The following CDC14A variants were observed in gnomAD, a reference collection of about 807,000 sequenced individuals.
CDC14A encodes dual specificity protein phosphatase CDC14A.
A neutral mutation model predicts 74.4 loss-of-function variants in CDC14A; 53 were observed. That is an observed-to-expected ratio of 0.71 (90% confidence interval 0.57 to 0.89). The LOEUF is 0.89. Among genes scored for constraint, CDC14A ranks in the 40% least tolerant of loss-of-function variants. CDC14A has a pLI of 0.00. For missense variants in CDC14A, 646 were observed against 713.7 expected (o/e 0.91, Z 1.08); for synonymous variants, 247 against 258.4 (o/e 0.96, Z 0.43).
At chr1:100,495,922 A>T in intron 12 of CDC14A, 80 bp from the exon 13 acceptor site, 2 of 1,142,592 alleles carry the variant, frequency 1.8e-6, no homozygotes, top group Admixed American at 1.7e-5. Flanking sequence ...TACTGGTTTG[A>T]TACCATTTGA....
At chr1:100,501,188 A>C (rs1488040370) in intron 15 of CDC14A, among the ~76,000 whole-genome samples, 1 of 152,260 alleles carries the variant, frequency 6.6e-6, no homozygotes, top group Non-Finnish European at 1.5e-5. Flanking sequence ...TAATATATTT[A>C]CATTTTCCTA....
At chr1:100,503,551 T>C (rs891032184) in intron 15 of CDC14A, among the ~76,000 whole-genome samples, 2 of 152,264 alleles carry the variant, frequency 1.3e-5, no homozygotes, top group Admixed American at 1.3e-4. Flanking sequence ...TGTCATTAAA[T>C]CGTTTAACAC....
intron 11 of CDC14A, among the ~76,000 whole-genome samples, chr1:100,487,084 T>C (rs1341957297): frequency 4.6e-5 from 7 of 152,360 alleles, no homozygotes; most frequent in African/African-American, 1.7e-4. Context: ...ATGGAATTTC[T>C]GGATTTACTT....
chr1:100,488,862 G>A (rs1385729078), intron 11 of CDC14A, among the ~76,000 whole-genome samples: 1 of 152,138 alleles, frequency 6.6e-6, no homozygotes, highest in Non-Finnish European at 1.5e-5. Flanking sequence ...CCCCCATTAT[G>A]ACAGTGAAGA....
chr1:100,348,211 G>A (rs1347076331), upstream of CDC14A, among the ~76,000 whole-genome samples: 1 of 151,120 alleles, frequency 6.6e-6, no homozygotes, highest in Non-Finnish European at 1.5e-5. Context: ...GAACCCGGGA[G>A]GCAGAGGTTG....
At chr1:100,489,579 CAT>C (rs922023548) in intron 11 of CDC14A, among the ~76,000 whole-genome samples, 80 of 49,144 alleles carry the variant, frequency 1.6e-3, no homozygotes, top group African/African-American at 3.6e-3. Flanking sequence ...GGTCATCACT[CAT>C]GTTTTTTTTT....
At chr1:100,448,960 A>G (rs1665842126) in intron 7 of CDC14A, among the ~76,000 whole-genome samples, 2 of 152,138 alleles carry the variant, frequency 1.3e-5, no homozygotes, top group South Asian at 2.1e-4. Context: ...AAGTTGCCAT[A>G]TTTGAGTCTT....
intron 2 of CDC14A, among the ~76,000 whole-genome samples, chr1:100,362,541 T>A (rs1464819082): frequency 6.6e-6 from 1 of 152,232 alleles, no homozygotes; most frequent in East Asian, 1.9e-4. Flanking sequence ...AACATTTTTC[T>A]CTCTTTGGTC....
chr1:100,378,493 A>G (rs768071121), intron 3 of CDC14A, among the ~76,000 whole-genome samples: 3 of 152,190 alleles, frequency 2.0e-5, no homozygotes, highest in Non-Finnish European at 4.4e-5. Context: ...TGCCTTGGAC[A>G]TATTAACTGT....
chr1:100,418,317 A>C (rs1282707447), intron 4 of CDC14A, among the ~76,000 whole-genome samples: 2 of 152,216 alleles, frequency 1.3e-5, no homozygotes, highest in East Asian at 3.8e-4. Context: ...CATGGGACAT[A>C]GTATTTGAGT....
intron 2 of CDC14A, among the ~76,000 whole-genome samples, chr1:100,370,264 A>G (rs144155006): frequency 0.015 from 2,317 of 151,206 alleles, 62 homozygotes; most frequent in African/African-American, 0.053. Flanking sequence ...GATTATAGGC[A>G]TGAGCCACTG....
At chr1:100,352,183 C>T (rs967676735), upstream of CDC14A, among the ~76,000 whole-genome samples, 2 of 152,188 alleles carry the variant, frequency 1.3e-5, no homozygotes, top group Non-Finnish European at 2.9e-5. Context: ...TTGGCGATGT[C>T]CACTCTCAAC....
At chr1:100,377,456 T>C in intron 2 of CDC14A, 90 bp from the exon 3 acceptor site, 3 of 840,920 alleles carry the variant, frequency 3.6e-6, no homozygotes, top group East Asian at 2.6e-5. Flanking sequence ...AATTTGATTG[T>C]AAATTTAATG....
chr1:100,467,274 A>G (rs530093988), intron 9 of CDC14A, among the ~76,000 whole-genome samples: 1 of 152,166 alleles, frequency 6.6e-6, no homozygotes, highest in Non-Finnish European at 1.5e-5. Context: ...TTACTGGGAG[A>G]TAAGAGAAGA....
At chr1:100,356,185 C>T (rs570777950) in intron 2 of CDC14A, among the ~76,000 whole-genome samples, 1 of 152,262 alleles carries the variant, frequency 6.6e-6, no homozygotes, top group South Asian at 2.1e-4. Flanking sequence ...GGTGAGAAAC[C>T]TGCAGTTTCT....
intron 11 of CDC14A, among the ~76,000 whole-genome samples, chr1:100,492,435 G>GT (rs1670801986): frequency 6.6e-6 from 1 of 152,148 alleles, no homozygotes; most frequent in Admixed American, 6.5e-5. Context: ...TTATGTTGCT[G>GT]TTTTTTAATT....
chr1:100,389,180 C>CAAAAAAAAAAAAAAAAAAAAAAAGAA (rs1196346245), intron 3 of CDC14A, among the ~76,000 whole-genome samples: 1 of 52,242 alleles, frequency 1.9e-5, no homozygotes, highest in Non-Finnish European at 3.7e-5. Context: ...GACCCTGTCT[C>CAAAAAAAAAAAAAAAAAAAAAAAGAA]AAAAAAAAAA....
At chr1:100,499,415 G>T (rs750725221) in intron 15 of CDC14A, 153 bp downstream of exon 15, 4 of 1,547,380 alleles carry the variant, frequency 2.6e-6, no homozygotes, top group Non-Finnish European at 3.5e-6. Context: ...AACTGTCTAT[G>T]CACTACATTC....
intron 4 of CDC14A, among the ~76,000 whole-genome samples, chr1:100,402,537 CATCTT>C (rs140167539): frequency 0.069 from 10,513 of 152,106 alleles, 775 homozygotes; most frequent in African/African-American, 0.18. Context: ...TAAAAATAAA[CATCTT>C]AATTAGAAAA....
Sources: allele counts gnomAD v4.1 joint callset (sites outside exome capture counted in the v4.1 genomes callset), GRCh38; gene constraint gnomAD v4.1.1; transcripts MANE v1.5; gene names NCBI Gene and HGNC (gene_info 2026-07-23, HGNC 2026-07-21).